The following MALRD1 variants were observed in gnomAD, a reference collection of about 807,000 sequenced individuals.
MALRD1 encodes MAM and LDL receptor class A domain containing 1.
MALRD1 carries 247 observed loss-of-function variants against 242.1 expected under a neutral mutation model. The ratio of observed to expected loss-of-function variants is 1.02; its 90% confidence interval spans 0.92 to 1.13. MALRD1 has a LOEUF of 1.13. Among genes scored for constraint, MALRD1 ranks in the 50% most tolerant of loss-of-function variants. The probability of loss-of-function intolerance (pLI) is 0.00; values close to 1 mark genes in which losing one functional copy is unlikely to be tolerated. For synonymous variants in MALRD1, 995 were observed against 866.6 expected, an observed-to-expected ratio of 1.15 and a Z score of -2.60; for missense variants, 2,989 against 2,533.1, an observed-to-expected ratio of 1.18 and a Z score of -3.86.
At chr10:19,179,531 T>A (rs994016170) in intron 14 of MALRD1, among the ~76,000 whole-genome samples, 6 of 151,924 alleles carry the variant, frequency 3.9e-5, no homozygotes, top group Non-Finnish European at 8.8e-5. Context: ...ACACCTGTAA[T>A]CCCAGCTACT....
At chr10:19,163,259 C>T (rs1030517491) in intron 12 of MALRD1, among the ~76,000 whole-genome samples, 1 of 150,714 alleles carries the variant, frequency 6.6e-6, no homozygotes, top group Non-Finnish European at 1.5e-5. Flanking sequence ...CACCTAGATG[C>T]CCAGCAATGA....
At chr10:19,732,798 T>A (rs1422362757) in intron 39 of MALRD1, among the ~76,000 whole-genome samples, 1 of 152,178 alleles carries the variant, frequency 6.6e-6, no homozygotes, top group Non-Finnish European at 1.5e-5. Context: ...GGAAGGGGCC[T>A]CCATCAAAGA....
chr10:19,445,223 G>T (rs1357143154), intron 28 of MALRD1, among the ~76,000 whole-genome samples: 2 of 152,066 alleles, frequency 1.3e-5, no homozygotes, highest in Admixed American at 6.5e-5. Flanking sequence ...TTTTTTCAAG[G>T]TTTTTAGCTT....
At chr10:19,320,534 T>A (rs983907578) in intron 21 of MALRD1, among the ~76,000 whole-genome samples, 3 of 152,200 alleles carry the variant, frequency 2.0e-5, no homozygotes, top group African/African-American at 7.2e-5. Context: ...TAAACATACA[T>A]GTGCATGTGT....
chr10:19,594,449 G>T (rs1171198709), intron 33 of MALRD1, among the ~76,000 whole-genome samples: 1 of 152,086 alleles, frequency 6.6e-6, no homozygotes, highest in East Asian at 1.9e-4. Context: ...AGAACTAAAA[G>T]TTGAACTACC....
At chr10:19,712,268 C>T (rs968246090) in intron 38 of MALRD1, among the ~76,000 whole-genome samples, 4 of 151,932 alleles carry the variant, frequency 2.6e-5, no homozygotes, top group Admixed American at 6.6e-5. Context: ...TTTAAGAAAT[C>T]GAATAAAATC....
At chr10:19,657,689 A>G (rs947774003) in intron 36 of MALRD1, among the ~76,000 whole-genome samples, 7 of 152,202 alleles carry the variant, frequency 4.6e-5, no homozygotes, top group African/African-American at 9.7e-5. Flanking sequence ...ATGTTTTGAG[A>G]TAAACAACCA....
intron 28 of MALRD1, among the ~76,000 whole-genome samples, chr10:19,443,948 T>C (rs896671339): frequency 2.0e-5 from 3 of 152,166 alleles, no homozygotes; most frequent in Non-Finnish European, 2.9e-5. Context: ...AGTCTAAGTC[T>C]CTTTGTAGGT....
intron 26 of MALRD1, among the ~76,000 whole-genome samples, chr10:19,360,663 A>G (rs1253047539): frequency 6.6e-6 from 1 of 152,128 alleles, no homozygotes; most frequent in Non-Finnish European, 1.5e-5. Flanking sequence ...TATTTTTAAT[A>G]TACTTAAATT....
At chr10:19,322,962 T>G (rs1842963351) in intron 21 of MALRD1, among the ~76,000 whole-genome samples, 1 of 152,182 alleles carries the variant, frequency 6.6e-6, no homozygotes, top group African/African-American at 2.4e-5. Context: ...GTATATAACC[T>G]AGAATGACTT....
intron 29 of MALRD1, among the ~76,000 whole-genome samples, chr10:19,468,555 T>C (rs574817681): frequency 6.6e-6 from 1 of 152,208 alleles, no homozygotes; most frequent in South Asian, 2.1e-4. Context: ...TCTGGGAATA[T>C]ATTAAATATC....
chr10:19,241,746 G>C (rs535576223), intron 18 of MALRD1, among the ~76,000 whole-genome samples: 1 of 152,130 alleles, frequency 6.6e-6, no homozygotes, highest in African/African-American at 2.4e-5. Context: ...GTTTGGGTAT[G>C]TTGGATTTTC....
intron 13 of MALRD1, among the ~76,000 whole-genome samples, chr10:19,170,698 T>C (rs1834883519): frequency 6.6e-6 from 1 of 152,158 alleles, no homozygotes; most frequent in African/African-American, 2.4e-5. Context: ...TCTCTTTATT[T>C]CATTAGAGAG....
At chr10:19,236,722 C>A (rs1201195191) in intron 18 of MALRD1, among the ~76,000 whole-genome samples, 4 of 152,026 alleles carry the variant, frequency 2.6e-5, no homozygotes, top group Non-Finnish European at 5.9e-5. Context: ...TGTAATTTTC[C>A]AAATACTTTA....
At chr10:19,488,738 A>T (rs1156670816) in intron 29 of MALRD1, 2 of 197,106 alleles carry the variant, frequency 1.0e-5, no homozygotes, top group Admixed American at 1.0e-4. Context: ...AAGGATTTTT[A>T]ATGTCTTTAT....
intron 12 of MALRD1, among the ~76,000 whole-genome samples, chr10:19,163,653 T>C (rs979646801): frequency 6.6e-6 from 1 of 152,020 alleles, no homozygotes; most frequent in African/African-American, 2.4e-5. Flanking sequence ...GAACCTAAAA[T>C]AGAAGTAAAA....
intron 2 of MALRD1, among the ~76,000 whole-genome samples, chr10:19,076,274 T>G (rs1231717944): frequency 6.6e-6 from 1 of 151,874 alleles, no homozygotes; most frequent in Non-Finnish European, 1.5e-5. Flanking sequence ...TCTATCTATC[T>G]ATCTATCATC....
At chr10:19,250,752 T>C (rs1194678356) in intron 18 of MALRD1, among the ~76,000 whole-genome samples, 5 of 151,878 alleles carry the variant, frequency 3.3e-5, no homozygotes, top group African/African-American at 1.2e-4. Context: ...ATGTGTGTGA[T>C]GATATGTGTA....
chr10:19,607,880 G>A lies in MALRD1; in HGVS notation c.6048G>A (p.Gln2016=). Residue 2016 remains glutamine, a synonymous_variant, in exon 35 of 40, where the codon CAG becomes CAA. Transcript: ENST00000454679. ...CDGFADCMDF[Q]LDESSCSECP... ...GTTTTGCCGACTGCATGGATTTCCA[G>A]CTTGATGAGTCCAGCTGCTCCGGTA... The A allele has an allele frequency of 6.5e-7, 1 of 1,549,670 alleles. No homozygotes were observed. Among genetic ancestry groups the A allele is most frequent in the South Asian group, 1.2e-5 (1 of 84,032 alleles).
Sources: gnomAD v4.1 joint callset for allele counts (sites outside exome capture counted in the v4.1 genomes callset) on GRCh38, gnomAD v4.1.1 for gene constraint, MANE v1.5 for transcripts, NCBI Gene and HGNC (gene_info 2026-07-23, HGNC 2026-07-21) for gene names.